Variants in HS6ST3 observed in about 807,000 individuals in gnomAD.
HS6ST3 encodes heparan sulfate 6-O-sulfotransferase 3, also known as heparan-sulfate 6-O-sulfotransferase 3.
A neutral mutation model predicts 36.7 loss-of-function variants in HS6ST3; 12 were observed. The observed-to-expected ratio is 0.33, with a 90% CI of 0.21 to 0.53. The LOEUF (loss-of-function observed/expected upper bound fraction) is 0.53. HS6ST3 is among the 20% of genes least tolerant of loss of function. HS6ST3 has a pLI of 0.95. For synonymous variants in HS6ST3, 240 were observed against 257.5 expected (o/e 0.93, Z 0.65); for missense variants, 584 against 640.9 (o/e 0.91, Z 0.96).
chr13:96,239,881 C>T (rs867413999), intron 1 of HS6ST3, among the ~76,000 whole-genome samples: 20 of 152,182 alleles, frequency 1.3e-4, no homozygotes, highest in South Asian at 1.0e-3. Context: ...AGTCAGTGTC[C>T]ACTCAAGAGA....
intron 1 of HS6ST3, among the ~76,000 whole-genome samples, chr13:96,124,983 T>TTAA (rs1416530405): frequency 1.3e-5 from 2 of 152,200 alleles, no homozygotes; most frequent in Non-Finnish European, 2.9e-5. Context: ...AGAAAAAAGA[T>TTAA]ATTAGAGTAT....
intron 1 of HS6ST3, among the ~76,000 whole-genome samples, chr13:96,430,633 G>A (rs946667460): frequency 1.2e-4 from 19 of 152,136 alleles, no homozygotes; most frequent in Admixed American, 9.2e-4. Flanking sequence ...TTTACCACCT[G>A]GACTTCCAGC....
chr13:96,396,120 C>T (rs1389149618), intron 1 of HS6ST3, among the ~76,000 whole-genome samples: 2 of 152,010 alleles, frequency 1.3e-5, no homozygotes, highest in East Asian at 3.9e-4. Context: ...TCAAGACGAG[C>T]CTGGCCAACA....
At chr13:96,290,005 G>A (rs1055619811) in intron 1 of HS6ST3, among the ~76,000 whole-genome samples, 5 of 152,262 alleles carry the variant, frequency 3.3e-5, no homozygotes, top group Middle Eastern at 3.4e-3. Context: ...CTGCAAGGAG[G>A]ACTTATCTTC....
chr13:96,667,636 A>T (rs1338920110), intron 1 of HS6ST3, among the ~76,000 whole-genome samples: 3 of 152,230 alleles, frequency 2.0e-5, no homozygotes, highest in African/African-American at 7.2e-5. Flanking sequence ...TTTTAGAAAT[A>T]GACAAATCTG....
chr13:96,784,613 A>G (rs1877600067), intron 1 of HS6ST3, among the ~76,000 whole-genome samples: 1 of 152,218 alleles, frequency 6.6e-6, no homozygotes, highest in South Asian at 2.1e-4. Flanking sequence ...AGCTGAAAAT[A>G]TTGTTCAAAA....
chr13:96,601,968 T>C (rs915431402), intron 1 of HS6ST3, among the ~76,000 whole-genome samples: 1 of 152,198 alleles, frequency 6.6e-6, no homozygotes, highest in Non-Finnish European at 1.5e-5. Flanking sequence ...CACTGTCTCC[T>C]GTGGAGCCAG....
rs1042796949 is a variant in HS6ST3, at chr13:96,658,561, G to A, written c.708-173929G>A. Among the ~76,000 whole-genome samples, 48 of 138,538 alleles carry A rather than the reference G, an allele frequency of 3.5e-4. 1 individual carries two copies. Among genetic ancestry groups the A allele is most frequent in the Non-Finnish European group, 6.9e-4 (45 of 64,906 alleles). 90.9% of individuals were successfully genotyped at this position (138,538 alleles called of 152,430 possible). A position where few individuals can be genotyped will look rare whatever the true frequency, so the allele number is the denominator to read the frequency against. ...GCCTCCCAAAGTGCTGGGATTACAGGCATGAGCCACCATGCCTGGCCGTAT... is the reference window on the plus strand; with the variant it reads ...GCCTCCCAAAGTGCTGGGATTACAGACATGAGCCACCATGCCTGGCCGTAT... On this transcript the variant is annotated intron_variant, in intron 1 of 1. Transcript: ENST00000376705.
chr13:96,676,077 A>C (rs1230048053), intron 1 of HS6ST3, among the ~76,000 whole-genome samples: 1 of 152,190 alleles, frequency 6.6e-6, no homozygotes, highest in Admixed American at 6.5e-5. Context: ...TTCTTGGAAC[A>C]GGGTCCCTGT....
chr13:96,174,489 C>G (rs768649516), intron 1 of HS6ST3, among the ~76,000 whole-genome samples: 7 of 152,140 alleles, frequency 4.6e-5, no homozygotes, highest in Non-Finnish European at 8.8e-5. Context: ...CCACTTCAGT[C>G]TCCCAAGTAA....
At chr13:96,323,858 G>A (rs1408586470) in intron 1 of HS6ST3, among the ~76,000 whole-genome samples, 1 of 152,050 alleles carries the variant, frequency 6.6e-6, no homozygotes, top group Non-Finnish European at 1.5e-5. Context: ...ACTTCATAAG[G>A]GCAGGAATTT....
chr13:96,152,469 C>G (rs2054090647), intron 1 of HS6ST3, among the ~76,000 whole-genome samples: 1 of 151,962 alleles, frequency 6.6e-6, no homozygotes, highest in Admixed American at 6.6e-5. Flanking sequence ...TCCTGAGTAG[C>G]TGGGACTACA....
intron 1 of HS6ST3, among the ~76,000 whole-genome samples, chr13:96,290,476 C>A (rs996547780): frequency 5.3e-5 from 8 of 152,158 alleles, no homozygotes; most frequent in African/African-American, 1.9e-4. Context: ...ATTTAATATT[C>A]AGGGCATGTG....
chr13:96,328,469 A>G (rs989806557), intron 1 of HS6ST3, among the ~76,000 whole-genome samples: 3 of 151,996 alleles, frequency 2.0e-5, no homozygotes, highest in Non-Finnish European at 4.4e-5. Flanking sequence ...CTCTGTTTAT[A>G]TGCTGGATTA....
chr13:96,343,138 C>T (rs1183473337), intron 1 of HS6ST3, among the ~76,000 whole-genome samples: 1 of 152,168 alleles, frequency 6.6e-6, no homozygotes, highest in Non-Finnish European at 1.5e-5. Context: ...GCTTTTTCTG[C>T]CAGAGCACTT....
At chr13:96,830,492 C>T (rs1878755540) in intron 1 of HS6ST3, among the ~76,000 whole-genome samples, 1 of 152,178 alleles carries the variant, frequency 6.6e-6, no homozygotes. Flanking sequence ...GTCTATCTAT[C>T]TTATATATCT....
In HS6ST3 at chr13:96,390,341, C is replaced by T. The variant is rs549751125; in HGVS notation, c.707+298772C>T. On this transcript the variant is annotated intron_variant, in intron 1 of 1. Coordinates refer to ENST00000376705, the MANE Select transcript of HS6ST3 (RefSeq NM_153456.4). The stretch of plus-strand genomic sequence containing the variant: ...CTAAATTCATATGTAGAAATCTAAT[C>T]GACAACGTGATGGGACTTTGTGGTG... Among the ~76,000 whole-genome samples the T allele has an allele frequency of 5.3e-5, 8 of 152,180 alleles. No individual in the cohort carries two copies. In the South Asian group the frequency reaches 6.2e-4, roughly 12 times the overall value.
chr13:96,111,030 T>A (rs1357724421), intron 1 of HS6ST3, among the ~76,000 whole-genome samples: 2 of 152,220 alleles, frequency 1.3e-5, no homozygotes, highest in Non-Finnish European at 2.9e-5. Flanking sequence ...CCATAGGTGA[T>A]TTATTATTAA....
At chr13:96,757,215 T>C (rs1158565753) in intron 1 of HS6ST3, among the ~76,000 whole-genome samples, 1 of 152,172 alleles carries the variant, frequency 6.6e-6, no homozygotes, top group Non-Finnish European at 1.5e-5. Context: ...TCACCAGTCA[T>C]ATAATGTAAT....
Sources: gnomAD v4.1 joint callset for allele counts (sites outside exome capture counted in the v4.1 genomes callset) on GRCh38, gnomAD v4.1.1 for gene constraint, MANE v1.5 for transcripts, NCBI Gene and HGNC (gene_info 2026-07-23, HGNC 2026-07-21) for gene names.